Variants in CCDC12 observed in about 807,000 individuals in gnomAD.
CCDC12 encodes the protein coiled-coil domain-containing protein 12.
In CCDC12, 28 loss-of-function variants were observed where a neutral mutation model predicts 25.7. That is an observed-to-expected ratio of 1.09 (90% CI 0.81 to 1.50). CCDC12 has a LOEUF of 1.50. CCDC12 is among the 40% of genes most tolerant of loss of function. The pLI is 0.00. For synonymous variants in CCDC12, 75 were observed against 87.7 expected (o/e 0.86, Z 0.81); for missense variants, 198 against 210.0 (o/e 0.94, Z 0.35).
At chr3:46,977,498 C>G (rs987181893), upstream of CCDC12, among the ~76,000 whole-genome samples, 3 of 146,552 alleles carry the variant, frequency 2.0e-5, no homozygotes, top group African/African-American at 7.5e-5. Flanking sequence ...AAAAAAAAGC[C>G]TTCCCTGATC....
intron 1 of CCDC12, among the ~76,000 whole-genome samples, chr3:46,957,220 T>G (rs369380803): frequency 1.5e-3 from 227 of 152,228 alleles, no homozygotes; most frequent in African/African-American, 5.3e-3. Flanking sequence ...TGGCACAGAC[T>G]TCTCTCTAGG....
At position 46,968,061 on chromosome 3, in the gene CCDC12, T is replaced by C. The variant is rs73831445; in HGVS notation, c.96+8576A>G. On this transcript the variant is annotated intron_variant, in intron 1 of 6. Transcript: ENST00000683445. ...CACCATCATTTCATACGTGAACATATTGAGGGCCTCAGAAGGAAATGCTGG... is the reference window on the plus strand; with the variant it reads ...CACCATCATTTCATACGTGAACATACTGAGGGCCTCAGAAGGAAATGCTGG... Among the ~76,000 whole-genome samples the C allele has an allele frequency of 2.3e-3, 347 of 152,276 alleles. 3 individuals are homozygous for C. Among genetic ancestry groups the C allele is most frequent in the African/African-American group, 7.5e-3 (312 of 41,562 alleles).
At chr3:46,941,309 TC>T (rs2033694006) in intron 1 of CCDC12, among the ~76,000 whole-genome samples, 1 of 152,102 alleles carries the variant, frequency 6.6e-6, no homozygotes. Flanking sequence ...ATGCCTGTAA[TC>T]CCAGCACTTC....
intron 2 of CCDC12, among the ~76,000 whole-genome samples, chr3:46,929,155 ATAC>A (rs763577455): frequency 1.2e-4 from 18 of 152,252 alleles, no homozygotes; most frequent in Non-Finnish European, 2.2e-4. Context: ...AATGGTAAAA[ATAC>A]TACTATTTTC....
At chr3:46,953,187 T>C (rs1323920079) in intron 1 of CCDC12, among the ~76,000 whole-genome samples, 2 of 152,144 alleles carry the variant, frequency 1.3e-5, no homozygotes, top group Non-Finnish European at 2.9e-5. Flanking sequence ...TGTTTAGAGC[T>C]GTGTTTCTCA....
intron 1 of CCDC12, among the ~76,000 whole-genome samples, chr3:46,959,494 G>A (rs1342516155): frequency 6.6e-6 from 1 of 152,172 alleles, no homozygotes; most frequent in Non-Finnish European, 1.5e-5. Flanking sequence ...TCTTCGGGGT[G>A]AGGCCCTCTC....
chr3:46,972,240 A>G (rs6442050), intron 1 of CCDC12, among the ~76,000 whole-genome samples: 143,730 of 152,048 alleles, frequency 0.95, 68,495 homozygotes, highest in East Asian at 1. Context: ...AGGCCAAAGC[A>G]GGAGGACTGC....
upstream of CCDC12, among the ~76,000 whole-genome samples, chr3:46,977,967 G>T (rs1051321814): frequency 6.6e-6 from 1 of 152,206 alleles, no homozygotes; most frequent in African/African-American, 2.4e-5. Flanking sequence ...CAGTATGTGG[G>T]GGTCCCCAAA....
intron 2 of CCDC12, 62 bp downstream of exon 2, chr3:46,940,936 G>C: frequency 6.6e-7 from 1 of 1,509,896 alleles, no homozygotes; most frequent in Non-Finnish European, 9.2e-7. Context: ...AGGACCCAGA[G>C]ACTGGGAGAC....
upstream of CCDC12, among the ~76,000 whole-genome samples, chr3:46,981,467 T>G (rs1401853556): frequency 1.3e-5 from 2 of 152,038 alleles, no homozygotes; most frequent in East Asian, 1.9e-4. Context: ...AATAAAAAAC[T>G]GACACAGCCC....
At chr3:46,945,692 A>T (rs2033876282) in intron 1 of CCDC12, among the ~76,000 whole-genome samples, 1 of 152,208 alleles carries the variant, frequency 6.6e-6, no homozygotes. Context: ...TTGTTATAGG[A>T]CTGTATAGAT....
chr3:46,951,798 A>AAAAAAAAAAAAAAAAAAAATAT, intron 1 of CCDC12, among the ~76,000 whole-genome samples: 1 of 8,468 alleles, frequency 1.2e-4, no homozygotes, highest in Non-Finnish European at 2.8e-4. Context: ...AAAAAAAAAA[A>AAAAAAAAAAAAAAAAAAAATAT]ATATATATAT....
upstream of CCDC12, chr3:46,979,977 G>C (rs1026849853): frequency 4.3e-6 from 1 of 230,992 alleles, no homozygotes; most frequent in South Asian, 1.6e-4. Context: ...CGCGCCCCGC[G>C]CCTGCTGCAC....
intron 2 of CCDC12, among the ~76,000 whole-genome samples, chr3:46,926,385 G>GTT (rs1229248423): frequency 6.6e-6 from 1 of 152,260 alleles, no homozygotes; most frequent in Non-Finnish European, 1.5e-5. Context: ...CAGGACAGCA[G>GTT]TGAGAACTGA....
chr3:46,979,218 TA>T (rs1210824210), upstream of CCDC12, among the ~76,000 whole-genome samples: 2 of 152,206 alleles, frequency 1.3e-5, no homozygotes, highest in African/African-American at 4.8e-5. Flanking sequence ...TGCTACTCTC[TA>T]ACTTCCCGCC....
At chr3:46,951,716 C>G (rs2034120077) in intron 1 of CCDC12, among the ~76,000 whole-genome samples, 1 of 138,674 alleles carries the variant, frequency 7.2e-6, no homozygotes, top group African/African-American at 2.7e-5. Context: ...GGAGGCGGAG[C>G]TTGCAGTGAG....
intron 1 of CCDC12, among the ~76,000 whole-genome samples, chr3:46,946,646 C>T (rs1375349172): frequency 6.6e-6 from 1 of 152,368 alleles, no homozygotes; most frequent in African/African-American, 2.4e-5. Context: ...CCTGAACGGG[C>T]ACTGTGGTAG....
chr3:46,977,160 C>G (rs1315154130), upstream of CCDC12: 1 of 168,690 alleles, frequency 5.9e-6, no homozygotes, highest in Non-Finnish European at 1.3e-5. Flanking sequence ...CTTGACCTGA[C>G]AAGGCTCGAA....
At chr3:46,941,148 A>C (rs947347841) in intron 1 of CCDC12, 83 bp from the exon 2 acceptor site, 2 of 1,359,472 alleles carry the variant, frequency 1.5e-6, no homozygotes, top group African/African-American at 2.9e-5. Flanking sequence ...AAAGAACAGG[A>C]CATCTCAGAA....
Sources: gnomAD v4.1 joint callset for allele counts (sites outside exome capture counted in the v4.1 genomes callset) on GRCh38, gnomAD v4.1.1 for gene constraint, MANE v1.5 for transcripts, NCBI Gene and HGNC (gene_info 2026-07-23, HGNC 2026-07-21) for gene names.